GLRA3: variants seen among roughly 807,000 people sequenced by gnomAD.
The protein encoded by GLRA3 is glycine receptor alpha 3.
GLRA3 carries 44 observed loss-of-function variants against 60.4 expected under a neutral mutation model. The observed-to-expected ratio is 0.73, with a 90% CI of 0.57 to 0.94. GLRA3 has a LOEUF of 0.94. Ranked by LOEUF, GLRA3 falls within the 40% of genes least tolerant of loss-of-function variation. The pLI, the probability that GLRA3 is intolerant of heterozygous loss-of-function variation, is 0.00. For synonymous variants in GLRA3, 223 were observed against 192.9 expected, an observed-to-expected ratio of 1.16 and a Z score of -1.29; for missense variants, 508 against 564.6, an observed-to-expected ratio of 0.90 and a Z score of 1.02.
At chr4:174,786,247 T>C (rs532861810) in intron 2 of GLRA3, among the ~76,000 whole-genome samples, 2 of 152,210 alleles carry the variant, frequency 1.3e-5, no homozygotes, top group East Asian at 3.9e-4. Flanking sequence ...TCCAAAAACA[T>C]TGATGTGGGG....
intron 5 of GLRA3, among the ~76,000 whole-genome samples, chr4:174,707,063 CTAA>C (rs1293929743): frequency 1.3e-5 from 2 of 152,102 alleles, no homozygotes; most frequent in Non-Finnish European, 2.9e-5. Context: ...CTGATGAATT[CTAA>C]TGTTATTCTT....
chr4:174,802,632 T>C (rs1739860230), intron 1 of GLRA3, among the ~76,000 whole-genome samples: 1 of 152,124 alleles, frequency 6.6e-6, no homozygotes, highest in South Asian at 2.1e-4. Context: ...TTCCTGGCAA[T>C]ACTCGTTGTC....
chr4:174,644,043 G>A lies in GLRA3; in HGVS notation c.1138C>T (p.Arg380Ter). Residue 380 changes from arginine to a stop codon, truncating the protein, a stop_gained, in exon 10 of 10, where the codon CGA (arginine) becomes TGA (stop). Transcript: ENST00000274093. LOFTEE classifies it high-confidence loss of function. ...SDMDDEVRES[R>*]FSFTAYGMGP... ...ATTCCATAGGCTGTGAAGCTGAATCGGCTTTCCCTTACCTCATCATCCTGT... is the reference window on the plus strand; with the variant it reads ...ATTCCATAGGCTGTGAAGCTGAATCAGCTTTCCCTTACCTCATCATCCTGT... 4 of 1,612,456 alleles carry A rather than the reference G, an allele frequency of 2.5e-6. No homozygotes were observed. The highest frequency in any genetic ancestry group is 1.1e-5 in the South Asian group (1 of 90,976).
At chr4:174,672,993 T>A (rs1483213703) in intron 7 of GLRA3, among the ~76,000 whole-genome samples, 1 of 152,038 alleles carries the variant, frequency 6.6e-6, no homozygotes, top group South Asian at 2.1e-4. Context: ...GATAATAAGT[T>A]TAAAAGACTA....
chr4:174,767,348 A>G (rs1738186527), intron 2 of GLRA3, among the ~76,000 whole-genome samples: 1 of 151,936 alleles, frequency 6.6e-6, no homozygotes, highest in Non-Finnish European at 1.5e-5. Context: ...GATAGTTTCT[A>G]TTGATCTTTT....
At position 174,802,706 on chromosome 4, in the gene GLRA3, T is replaced by C. The variant is rs187512154; in HGVS notation, c.72-13763A>G. On this transcript the variant is annotated intron_variant, in intron 1 of 9. Coordinates refer to ENST00000274093, the MANE Select transcript of GLRA3 (RefSeq NM_006529.4). ...AAACTGAACCCCTGGTGTTTGGTAA[T>C]GGTATTATAGAACAAAGATTTAGAA... 1.4e-3 allele frequency among the ~76,000 whole-genome samples: 219 copies of C among 152,136 alleles called. 1 individual carries two copies. The highest frequency in any genetic ancestry group is 2.5e-3 in the Non-Finnish European group (167 of 67,944).
intron 8 of GLRA3, among the ~76,000 whole-genome samples, chr4:174,658,625 G>A (rs1476465218): frequency 6.6e-6 from 1 of 151,980 alleles, no homozygotes; most frequent in Non-Finnish European, 1.5e-5. Context: ...TTATCATCAT[G>A]GTATTAGTAA....
intron 5 of GLRA3, among the ~76,000 whole-genome samples, chr4:174,703,204 G>T (rs1735390351): frequency 6.6e-6 from 1 of 152,144 alleles, no homozygotes; most frequent in East Asian, 1.9e-4. Context: ...AAATCCTCTG[G>T]ATTGAGAGTG....
chr4:174,809,626 G>T (rs1579643116), intron 1 of GLRA3, among the ~76,000 whole-genome samples: 1 of 152,078 alleles, frequency 6.6e-6, no homozygotes, highest in Admixed American at 6.6e-5. Context: ...CCAGCTACTT[G>T]GGAGGCTGAG....
At chr4:174,720,501 G>A (rs1020243726) in intron 4 of GLRA3, among the ~76,000 whole-genome samples, 1 of 152,124 alleles carries the variant, frequency 6.6e-6, no homozygotes, top group African/African-American at 2.4e-5. Context: ...GAAGTAAAGA[G>A]ACTTAACCCA....
chr4:174,669,893 A>G (rs1176756674), intron 7 of GLRA3, among the ~76,000 whole-genome samples: 1 of 152,236 alleles, frequency 6.6e-6, no homozygotes, highest in East Asian at 1.9e-4. Flanking sequence ...TTCATGAGAT[A>G]AAATACAACA....
chr4:174,828,677 AGTG>A, intron 1 of GLRA3, 61 bp downstream of exon 1: 1 of 956,330 alleles, frequency 1.0e-6, no homozygotes, highest in Non-Finnish European at 1.7e-6. Context: ...ATCAATAACA[AGTG>A]GTTGCAACGT....
chr4:174,673,242 A>G (rs1488363311), intron 7 of GLRA3, among the ~76,000 whole-genome samples: 1 of 152,078 alleles, frequency 6.6e-6, no homozygotes, highest in Non-Finnish European at 1.5e-5. Context: ...TCCTTCTAGT[A>G]CTCAGAGTTT....
chr4:174,812,394 C>T (rs1167614457), intron 1 of GLRA3, among the ~76,000 whole-genome samples: 2 of 152,070 alleles, frequency 1.3e-5, no homozygotes, highest in East Asian at 1.9e-4. Flanking sequence ...GATATTCATG[C>T]TTGTATAACT....
At chr4:174,675,762 CATT>C (rs763356678) in intron 7 of GLRA3, among the ~76,000 whole-genome samples, 3 of 152,036 alleles carry the variant, frequency 2.0e-5, no homozygotes, top group Non-Finnish European at 4.4e-5. Context: ...TAAAAGTAGA[CATT>C]ATTAGGAAAG....
chr4:174,732,558 A>G (rs376145736), intron 3 of GLRA3, among the ~76,000 whole-genome samples: 1 of 152,100 alleles, frequency 6.6e-6, no homozygotes, highest in South Asian at 2.1e-4. Context: ...ACCTGGAACC[A>G]ATTCAAATAT....
intron 6 of GLRA3, among the ~76,000 whole-genome samples, chr4:174,681,933 C>G (rs1734362526): frequency 6.6e-6 from 1 of 152,094 alleles, no homozygotes; most frequent in Non-Finnish European, 1.5e-5. Context: ...ATGGTAGTGA[C>G]TTTTTGATCC....
intron 1 of GLRA3, among the ~76,000 whole-genome samples, chr4:174,827,240 A>T (rs1401095453): frequency 6.6e-6 from 1 of 152,064 alleles, no homozygotes; most frequent in Non-Finnish European, 1.5e-5. Context: ...GACAAAAGTC[A>T]GAGAATCTAG....
intron 7 of GLRA3, among the ~76,000 whole-genome samples, chr4:174,672,725 ATGT>A (rs1733956589): frequency 6.6e-6 from 1 of 152,160 alleles, no homozygotes; most frequent in African/African-American, 2.4e-5. Context: ...GCAAGAAGAA[ATGT>A]TGTAAACCAT....
Sources: gnomAD v4.1 joint callset for allele counts (sites outside exome capture counted in the v4.1 genomes callset) on GRCh38, gnomAD v4.1.1 for gene constraint, MANE v1.5 for transcripts, NCBI Gene and HGNC (gene_info 2026-07-23, HGNC 2026-07-21) for gene names.